The following LRRIQ1 variants were observed in gnomAD, a reference collection of about 807,000 sequenced individuals.
LRRIQ1 encodes the protein leucine-rich repeat- and IQ domain-containing protein 1.
A neutral mutation model predicts 211.9 loss-of-function variants in LRRIQ1; 210 were observed. That is an observed-to-expected ratio of 0.99 (90% CI 0.89 to 1.11). LRRIQ1 has a LOEUF of 1.11. LRRIQ1 is among the 50% of genes most tolerant of loss of function. The pLI, the probability that LRRIQ1 is intolerant of heterozygous loss-of-function variation, is 0.00. For missense variants in LRRIQ1, 2,136 were observed against 1,939.5 expected, an observed-to-expected ratio of 1.10 and a Z score of -1.90; for synonymous variants, 699 against 650.1, an observed-to-expected ratio of 1.08 and a Z score of -1.14.
chr12:85,235,214 TATATC>T lies in LRRIQ1; in HGVS notation c.5016+2460_5016+2464del, dbSNP rs1167553181. ...ATATCATTTTCTTTACATCCAAAAA[TATATC>T]AGAAGTCACGTCAAATATATAGACA... On this transcript the variant is annotated intron_variant, in intron 26 of 26. Transcript: ENST00000393217. 2.6e-5 allele frequency among the ~76,000 whole-genome samples: 4 copies of T among 152,158 alleles called. No individual in the cohort carries two copies. In the East Asian group the frequency reaches 7.7e-4, roughly 29 times the overall value.
At position 85,107,799 on chromosome 12, in the gene LRRIQ1, T is replaced by C. The variant is rs149100669; in HGVS notation, c.3377+1184T>C. ...TTCAAATTCTCTGATATTTTCTGTT[T>C]AAGTATCTACTCTGCTTTCAGACTC... On this transcript the variant is annotated intron_variant, in intron 15 of 26. Transcript: ENST00000393217. 5.4e-4 allele frequency among the ~76,000 whole-genome samples: 82 copies of C among 152,280 alleles called. 2 individuals are homozygous for C. In the East Asian group the frequency reaches 0.01, roughly 19 times the overall value.
chr12:85,072,818 G>T, intron 10 of LRRIQ1, 89 bp from the exon 11 acceptor site: 1 of 808,434 alleles, frequency 1.2e-6, no homozygotes, highest in South Asian at 2.8e-5. Context: ...TTTGCTCCAG[G>T]TTTAAATTTT....
At chr12:85,127,076 TTG>T (rs1248150451) in intron 17 of LRRIQ1, among the ~76,000 whole-genome samples, 1 of 152,242 alleles carries the variant, frequency 6.6e-6, no homozygotes, top group Admixed American at 6.5e-5. Context: ...ACTCTTTACC[TTG>T]TAATATTCCT....
intron 24 of LRRIQ1, among the ~76,000 whole-genome samples, chr12:85,183,195 T>C (rs930542657): frequency 6.6e-6 from 1 of 152,186 alleles, no homozygotes; most frequent in Non-Finnish European, 1.5e-5. Flanking sequence ...TTTGGAAATA[T>C]AGCACACTTG....
intron 18 of LRRIQ1, among the ~76,000 whole-genome samples, chr12:85,134,598 A>G (rs767751969): frequency 7.2e-5 from 11 of 152,034 alleles, no homozygotes; most frequent in African/African-American, 1.2e-4. Flanking sequence ...GTTCCTTTGC[A>G]TTTCCATCAA....
chr12:85,236,309 A>G (rs1226970157), intron 26 of LRRIQ1, among the ~76,000 whole-genome samples: 1 of 152,172 alleles, frequency 6.6e-6, no homozygotes, highest in Non-Finnish European at 1.5e-5. Context: ...TTTATAGAAA[A>G]GGTTAACAGG....
At chr12:85,086,011 CTGTT>C (rs1164872087) in intron 11 of LRRIQ1, among the ~76,000 whole-genome samples, 5 of 152,120 alleles carry the variant, frequency 3.3e-5, no homozygotes, top group African/African-American at 1.2e-4. Context: ...ATTCTCTAAA[CTGTT>C]TGAACAGTCA....
rs759316816 is a variant in LRRIQ1, at chr12:85,154,032, C to T, written c.4658C>T (p.Thr1553Ile). ...AATAGGGGCTTTAAGGATATTTCTA[C>T]TGCTCAGCAAATGTTGAAGAGGGCA... ...SEEWGFKDIS[T>I]AQQMLKRAQK... The change falls in exon 23 of 27, where the codon ACT (threonine) becomes ATT (isoleucine). Residue 1553 changes from threonine to isoleucine, a missense_variant. Thr to Ile is a moderately conservative substitution (Grantham distance 89). Coordinates refer to ENST00000393217, the MANE Select transcript of LRRIQ1 (RefSeq NM_001079910.2). The T allele has an allele frequency of 1.9e-5, 30 of 1,564,244 alleles. 1 individual carries two copies. In the Middle Eastern group the frequency reaches 7.4e-4, roughly 39 times the overall value.
chr12:85,225,895 C>T (rs1485368013), intron 24 of LRRIQ1, among the ~76,000 whole-genome samples: 3 of 152,178 alleles, frequency 2.0e-5, no homozygotes, highest in African/African-American at 4.8e-5. Flanking sequence ...AGGAGTAATT[C>T]TGAAATGATT....
intron 24 of LRRIQ1, among the ~76,000 whole-genome samples, chr12:85,174,800 C>G (rs1420484925): frequency 6.8e-6 from 1 of 146,786 alleles, no homozygotes; most frequent in Non-Finnish European, 1.5e-5. Flanking sequence ...GAAATAATTC[C>G]AAAAAAATGT....
downstream of LRRIQ1, among the ~76,000 whole-genome samples, chr12:85,265,378 G>A (rs1896398223): frequency 6.6e-6 from 1 of 151,970 alleles, no homozygotes; most frequent in African/African-American, 2.4e-5. Context: ...TTTAGGGGAA[G>A]AAGACCCCTA....
chr12:85,252,663 C>A (rs960440196), intron 1 of LRRIQ1, among the ~76,000 whole-genome samples: 2 of 151,130 alleles, frequency 1.3e-5, no homozygotes, highest in African/African-American at 2.4e-5. Context: ...GGCCTGAAAT[C>A]TCTCTTGAAA....
chr12:85,180,900 A>G (rs1891949886), intron 24 of LRRIQ1, among the ~76,000 whole-genome samples: 1 of 151,672 alleles, frequency 6.6e-6, no homozygotes. Flanking sequence ...TGCATAGTCA[A>G]TCAATTTTCA....
chr12:85,122,019 T>C (rs1313477909), intron 16 of LRRIQ1, 143 bp downstream of exon 16: 4 of 532,622 alleles, frequency 7.5e-6, no homozygotes, highest in Non-Finnish European at 8.8e-6. Context: ...TTAAAAACTT[T>C]GGACATCATG....
intron 24 of LRRIQ1, among the ~76,000 whole-genome samples, chr12:85,161,205 A>G (rs570297630): frequency 3.7e-4 from 57 of 152,248 alleles, no homozygotes; most frequent in South Asian, 2.1e-3. Context: ...AGGTGGTGAT[A>G]GTTCTGATTA....
downstream of LRRIQ1, among the ~76,000 whole-genome samples, chr12:85,267,379 A>T (rs1187691709): frequency 6.6e-6 from 1 of 152,094 alleles, no homozygotes; most frequent in Non-Finnish European, 1.5e-5. Flanking sequence ...TAGCCATATT[A>T]GCCCCTAAAA....
chr12:85,077,783 G>A (rs542289176), intron 11 of LRRIQ1, among the ~76,000 whole-genome samples: 1 of 151,886 alleles, frequency 6.6e-6, no homozygotes, highest in South Asian at 2.1e-4. Context: ...ACCAGCCTGG[G>A]CAACATAGTG....
chr12:85,148,546 A>G (rs1890037686), intron 19 of LRRIQ1, among the ~76,000 whole-genome samples: 1 of 151,874 alleles, frequency 6.6e-6, no homozygotes, highest in African/African-American at 2.4e-5. Context: ...TATCTAGTCT[A>G]TCATTAATGG....
chr12:85,133,688 G>A (rs1888931577), intron 18 of LRRIQ1, among the ~76,000 whole-genome samples: 1 of 152,082 alleles, frequency 6.6e-6, no homozygotes, highest in East Asian at 1.9e-4. Flanking sequence ...ATGGGTAAAG[G>A]AGTAGAGTTA....
Sources: allele counts gnomAD v4.1 joint callset (sites outside exome capture counted in the v4.1 genomes callset), GRCh38; gene constraint gnomAD v4.1.1; transcripts MANE v1.5; gene names NCBI Gene and HGNC (gene_info 2026-07-23, HGNC 2026-07-21).